The following PDGFD variants were observed in gnomAD, a reference collection of about 807,000 sequenced individuals.
PDGFD encodes platelet-derived growth factor D.
PDGFD carries 30 observed loss-of-function variants against 44.7 expected under a neutral mutation model. That is an observed-to-expected ratio of 0.67 (90% confidence interval 0.50 to 0.91). PDGFD has a LOEUF of 0.91. Ranked by LOEUF, PDGFD falls within the 40% of genes least tolerant of loss-of-function variation. PDGFD has a pLI of 0.00. For missense variants in PDGFD, 445 were observed against 457.8 expected (o/e 0.97, Z 0.25); for synonymous variants, 173 against 168.4 (o/e 1.03, Z -0.21).
chr11:103,923,273 A>G (rs1217357896), intron 6 of PDGFD, among the ~76,000 whole-genome samples: 2 of 152,222 alleles, frequency 1.3e-5, no homozygotes, highest in African/African-American at 2.4e-5. Flanking sequence ...GGGTACCTAC[A>G]AACTTTTGAG....
chr11:103,937,810 T>G (rs1398325958), intron 5 of PDGFD, among the ~76,000 whole-genome samples: 1 of 150,544 alleles, frequency 6.6e-6, no homozygotes, highest in African/African-American at 2.4e-5. Flanking sequence ...GGTGTTTGGT[T>G]TTTTGTCCTT....
chr11:104,153,965 A>C (rs568719120), intron 1 of PDGFD, among the ~76,000 whole-genome samples: 1 of 152,166 alleles, frequency 6.6e-6, no homozygotes, highest in African/African-American at 2.4e-5. Context: ...AGGAAGACCC[A>C]GCCAAGGAGA....
chr11:103,926,167 T>G (rs1056164774), intron 6 of PDGFD, among the ~76,000 whole-genome samples: 2 of 152,204 alleles, frequency 1.3e-5, no homozygotes, highest in Non-Finnish European at 2.9e-5. Context: ...CTGATCCTCT[T>G]AGGGCTCAGT....
At chr11:103,980,564 C>T (rs1241338831) in intron 3 of PDGFD, among the ~76,000 whole-genome samples, 2 of 152,008 alleles carry the variant, frequency 1.3e-5, no homozygotes, top group Non-Finnish European at 2.9e-5. Flanking sequence ...TGGAATCTCA[C>T]TGCACTAGGT....
intron 1 of PDGFD, among the ~76,000 whole-genome samples, chr11:104,136,766 C>A (rs1234313331): frequency 6.6e-6 from 1 of 152,150 alleles, no homozygotes; most frequent in African/African-American, 2.4e-5. Flanking sequence ...CTCTACCAGG[C>A]ATGATCGCCT....
intron 1 of PDGFD, among the ~76,000 whole-genome samples, chr11:104,129,364 G>A (rs1050743894): frequency 4.6e-5 from 7 of 150,718 alleles, no homozygotes; most frequent in Non-Finnish European, 1.0e-4. Context: ...AGATTTAACA[G>A]CACTTCTTGT....
intron 1 of PDGFD, among the ~76,000 whole-genome samples, chr11:104,019,625 G>A (rs1030729995): frequency 1.3e-5 from 2 of 152,014 alleles, no homozygotes; most frequent in African/African-American, 4.8e-5. Flanking sequence ...AATTCTGAGC[G>A]CCAACTCCAA....
chr11:103,975,855 T>C (rs150098488), intron 3 of PDGFD, among the ~76,000 whole-genome samples: 4 of 152,224 alleles, frequency 2.6e-5, no homozygotes, highest in Non-Finnish European at 5.9e-5. Flanking sequence ...TTGGTCTATA[T>C]ATCTGTTTTA....
At chr11:104,147,631 T>C (rs79201964) in intron 1 of PDGFD, among the ~76,000 whole-genome samples, 1,919 of 152,250 alleles carry the variant, frequency 0.013, 50 homozygotes, top group African/African-American at 0.043. Context: ...TATTTTATTG[T>C]CCTAAAAAGT....
chr11:103,960,402 C>A (rs546915021), intron 3 of PDGFD, among the ~76,000 whole-genome samples: 1 of 152,192 alleles, frequency 6.6e-6, no homozygotes, highest in South Asian at 2.1e-4. Flanking sequence ...CTGTTATTTA[C>A]TTATGTATTT....
intron 1 of PDGFD, among the ~76,000 whole-genome samples, chr11:104,160,176 A>C (rs532433447): frequency 6.6e-6 from 1 of 152,220 alleles, no homozygotes; most frequent in African/African-American, 2.4e-5. Flanking sequence ...CTACTTTAAA[A>C]TCTAAGGCAG....
chr11:103,964,857 A>G (rs1411165302), intron 3 of PDGFD, among the ~76,000 whole-genome samples: 1 of 152,032 alleles, frequency 6.6e-6, no homozygotes, highest in African/African-American at 2.4e-5. Context: ...GCTCTGAGCT[A>G]TTAGATAGTT....
In PDGFD at chr11:104,026,244, T is replaced by G. The variant is rs990367837; in HGVS notation, c.125-25989A>C. 9.2e-5 allele frequency among the ~76,000 whole-genome samples: 14 copies of G among 152,318 alleles called. No individual in the cohort carries two copies. The East Asian group carries it at 1.2e-3, about 13-fold the overall frequency. On this transcript the variant is annotated intron_variant, in intron 1 of 6. Transcript: ENST00000393158. ...CCTATTTTGATCCTAATCCATGCCT[T>G]CTGGAAAGAAAGCCTGACCCTTGGC...
rs368851982 is a variant in PDGFD, at chr11:104,069,953, C to T, written c.125-69698G>A. 3.9e-5 allele frequency among the ~76,000 whole-genome samples: 6 copies of T among 152,222 alleles called. No individual in the cohort carries two copies. The East Asian group carries it at 5.8e-4, about 15-fold the overall frequency. Reference sequence around the variant, plus strand: ...GAAACAAGACCTTTCCCAGTATGGGCTTATGGATTCTAACTTTATCCTCCA... The same window carrying T: ...GAAACAAGACCTTTCCCAGTATGGGTTTATGGATTCTAACTTTATCCTCCA... On this transcript the variant is annotated intron_variant, in intron 1 of 6. Transcript: ENST00000393158.
chr11:103,947,148 T>G (rs915710643), intron 4 of PDGFD, among the ~76,000 whole-genome samples: 1 of 152,206 alleles, frequency 6.6e-6, no homozygotes, highest in Non-Finnish European at 1.5e-5. Flanking sequence ...GCATGAACCA[T>G]TTTACAGCTT....
chr11:103,942,220 T>A (rs1858595431), intron 5 of PDGFD, among the ~76,000 whole-genome samples: 1 of 152,124 alleles, frequency 6.6e-6, no homozygotes, highest in African/African-American at 2.4e-5. Flanking sequence ...CTTGGTGAAA[T>A]ACCTTTATAT....
chr11:103,951,800 C>CT (rs1858762145), intron 3 of PDGFD, among the ~76,000 whole-genome samples: 1 of 152,192 alleles, frequency 6.6e-6, no homozygotes, highest in South Asian at 2.1e-4. Flanking sequence ...CTTGGTCACT[C>CT]TATCTACTTA....
At position 104,063,599 on chromosome 11, in the gene PDGFD, A is replaced by C. The variant is rs111960045; in HGVS notation, c.125-63344T>G. ...CCGGAAACTGGGTAATTTATAAAGA[A>C]AAGAGGTTTAGTTGACCACAGTGCC... On this transcript the variant is annotated intron_variant, in intron 1 of 6. Transcript: ENST00000393158. Among the ~76,000 whole-genome samples the C allele has an allele frequency of 4.6e-3, 694 of 152,270 alleles. 8 individuals carry two copies. The highest frequency in any genetic ancestry group is 0.016 in the African/African-American group (660 of 41,540).
intron 5 of PDGFD, among the ~76,000 whole-genome samples, chr11:103,937,024 C>T (rs1287661617): frequency 6.6e-6 from 1 of 151,908 alleles, no homozygotes; most frequent in East Asian, 1.9e-4. Flanking sequence ...CAGGTTCTCA[C>T]CATGTTGCCC....
Sources: allele counts gnomAD v4.1 joint callset (sites outside exome capture counted in the v4.1 genomes callset), GRCh38; gene constraint gnomAD v4.1.1; transcripts MANE v1.5; gene names NCBI Gene and HGNC (gene_info 2026-07-23, HGNC 2026-07-21).